The following MMP1 variants were observed in gnomAD, a reference collection of about 807,000 sequenced individuals.
MMP1 encodes interstitial collagenase.
Under a neutral mutation model 49.6 loss-of-function variants are expected in MMP1, and 51 were observed. That is an observed-to-expected ratio of 1.03 (90% CI 0.82 to 1.30). The LOEUF is 1.30. Among genes scored for constraint, MMP1 ranks in the 50% most tolerant of loss-of-function variants. The pLI, the probability that MMP1 is intolerant of heterozygous loss-of-function variation, is 0.00. For synonymous variants in MMP1, 230 were observed against 196.8 expected (o/e 1.17, Z -1.41); for missense variants, 623 against 568.7 (o/e 1.10, Z -0.97).
chr11:102,790,487 G>T lies in MMP1; in HGVS notation c.1335C>A (p.Tyr445Ter), dbSNP rs750462848. Reference protein sequence around the residue: ...FFYFFHGTRQYKFDPKTKRIL... With the variant: ...FFYFFHGTRQ Reference sequence around the variant, plus strand: ...TTCTCTTCGTTTTAGGATCAAATTTGTATTGTCTTGTTCCATGAAAGAAAT... The same window carrying T: ...TTCTCTTCGTTTTAGGATCAAATTTTTATTGTCTTGTTCCATGAAAGAAAT... Residue 445 changes from tyrosine to a stop codon, truncating the protein, a stop_gained, in exon 10 of 10, where the codon TAC becomes TAA. Transcript: ENST00000315274. LOFTEE classifies it low-confidence loss of function (END_TRUNC). 1 of 1,608,972 alleles carries T rather than the reference G, an allele frequency of 6.2e-7. No homozygotes were observed. Among genetic ancestry groups the T allele is most frequent in the Non-Finnish European group, 8.5e-7 (1 of 1,176,662 alleles).
At position 102,795,288 on chromosome 11, in the gene MMP1, C is replaced by T. The variant is rs762758502; in HGVS notation, c.785G>A (p.Arg262His). The change falls in exon 6 of 10, where the codon CGT (arginine) becomes CAT (histidine). Residue 262 changes from arginine to histidine, a missense_variant. Arg to His is a conservative substitution (Grantham distance 29). Coordinates refer to ENST00000315274, the MANE Select transcript of MMP1 (RefSeq NM_002421.4). Reference sequence around the variant, plus strand: ...GATGGGCTGGACAGGATTTTGGGAACGTCCTAAGGAAAATAAAATACCTAG... The same window carrying T: ...GATGGGCTGGACAGGATTTTGGGAATGTCCTAAGGAAAATAAAATACCTAG... ...DIDGIQAIYG[R>H]SQNPVQPIGP... is the part of the protein sequence containing the mutation. The T allele has an allele frequency of 1.7e-5, 27 of 1,613,798 alleles. No homozygotes were observed. In the East Asian group the frequency reaches 2.9e-4, roughly 17 times the overall value.
chr11:102,797,462 C>T lies in MMP1; in HGVS notation c.144G>A (p.Gly48=). ...TATTTCTCCGCTTTTCAACTTGCCT[C>T]CCATCATTCTTCAGGTTGTAGTATT... ...LEKYYNLKND[G]RQVEKRRNSG... is the part of the protein sequence containing the mutation. Residue 48 remains glycine (G), a synonymous_variant, in exon 2 of 10, where the codon GGG becomes GGA. Coordinates refer to ENST00000315274, the MANE Select transcript of MMP1 (RefSeq NM_002421.4). The T allele has an allele frequency of 6.2e-7, 1 of 1,614,166 alleles. No individual in the cohort carries two copies. The highest frequency in any genetic ancestry group is 8.5e-7 in the Non-Finnish European group (1 of 1,180,024).
At position 102,796,741 on chromosome 11, in the gene MMP1, T is replaced by C; in HGVS notation, c.548A>G (p.His183Arg). 6.2e-7 allele frequency: 1 copy of C among 1,614,036 alleles called. No individual in the cohort carries two copies. The highest frequency in any genetic ancestry group is 8.5e-7 in the Non-Finnish European group (1 of 1,179,952). The change falls in exon 4 of 10, where the codon CAT (histidine) becomes CGT (arginine). Residue 183 changes from histidine (H) to arginine (R), a missense_variant. His to Arg is a conservative substitution (Grantham distance 29). Coordinates refer to ENST00000315274, the MANE Select transcript of MMP1 (RefSeq NM_002421.4). ...PFDGPGGNLA[H>R]AFQPGPGIGG... is the part of the protein sequence containing the mutation. ...AATACCTGGGCCTGGTTGAAAAGCA[T>C]GAGCAAGATTTCCTCCAGGTCCATC...
intron 4 of MMP1, among the ~76,000 whole-genome samples, chr11:102,796,277 A>T (rs1858188005): frequency 1.3e-5 from 2 of 152,212 alleles, no homozygotes; most frequent in South Asian, 4.1e-4. Context: ...TTATTTACAA[A>T]ACTGATAAAT....
In MMP1 at chr11:102,790,864, A is replaced by G. The variant is rs470747; in HGVS notation, c.1197-58T>C. 311,923 of 917,102 alleles carry G rather than the reference A, an allele frequency of 0.34. 54,731 individuals carry two copies. Among genetic ancestry groups the G allele is most frequent in the Non-Finnish European group, 0.37 (207,069 of 561,928 alleles). 56.8% of individuals were successfully genotyped at this position (917,102 alleles called of 1,614,324 possible). A position where few individuals can be genotyped will look rare whatever the true frequency, so the allele number is the denominator to read the frequency against. On this transcript the variant is annotated intron_variant, in intron 8 of 9. Coordinates refer to ENST00000315274, the MANE Select transcript of MMP1 (RefSeq NM_002421.4). The stretch of plus-strand genomic sequence containing the variant: ...TTTGCTAAACATGTGCACTCTGAAA[A>G]TCATTACAGAAAATACACAATGAGG...
chr11:102,797,115 G>A lies in MMP1; in HGVS notation c.398C>T (p.Ala133Val), dbSNP rs1189547887. The change falls in exon 3 of 10, where the codon GCC becomes GTC. Residue 133 changes from alanine (A) to valine (V), a missense_variant. Coordinates refer to ENST00000315274, the MANE Select transcript of MMP1 (RefSeq NM_002421.4). ...PDLPRADVDHAIEKAFQLWSN... is the reference protein window; with the variant it reads ...PDLPRADVDHVIEKAFQLWSN... ...CCAGAGTTGGAAGGCTTTCTCAATG[G>A]CATGGTCCACATCTGCTCTTGGCAA... 4.3e-6 allele frequency: 7 copies of A among 1,614,158 alleles called. No individual in the cohort carries two copies. The South Asian group carries it at 6.6e-5, about 15-fold the overall frequency.
rs1858123867 is a variant in MMP1 at position 102,794,477 on chromosome 11, C to A, written c.899+697G>T. ...CTCCTTGCATGTGAGATGACCCCAA[C>A]TTTTTGAGTCCACATGCTGCAGAGG... On this transcript the variant is annotated intron_variant, in intron 6 of 9. Transcript: ENST00000315274. The surrounding 1 kb of genome is among the most constrained non-coding windows in gnomAD (Gnocchi z 4.3). Among the ~76,000 whole-genome samples the A allele has an allele frequency of 6.6e-6, 1 of 152,210 alleles. No individual in the cohort carries two copies. Among genetic ancestry groups the A allele is most frequent in the Non-Finnish European group, 1.5e-5 (1 of 68,028 alleles).
In MMP1 at chr11:102,795,317, T is replaced by A; in HGVS notation, c.782-26A>T. 4 of 1,609,910 alleles carry A rather than the reference T, an allele frequency of 2.5e-6. 1 individual carries two copies. The South Asian group carries it at 4.4e-5, about 18-fold the overall frequency. On this transcript the variant is annotated intron_variant, in intron 5 of 9. Coordinates refer to ENST00000315274, the MANE Select transcript of MMP1 (RefSeq NM_002421.4). ...CTAAGGAAAATAAAATACCTAGAGT[T>A]AGTTTTGCCTAGTATTAGAAAACTA...
Position 102,794,075 on chromosome 11 carries a change from A to G in MMP1, c.899+1099T>C, listed in dbSNP as rs150261762. ...GTTCCATCTAGTAATATTTGGTTTG[A>G]TAGGTGTGTCCTGTTGTACTGAGAG... On this transcript the variant is annotated intron_variant, in intron 6 of 9. Transcript: ENST00000315274. This position sits in a 1 kb window ranked among gnomAD's most constrained non-coding sequence, Gnocchi z 4.3. Among the ~76,000 whole-genome samples the G allele has an allele frequency of 4.4e-3, 676 of 152,286 alleles. 3 individuals carry two copies. Among genetic ancestry groups the G allele is most frequent in the African/African-American group, 0.015 (611 of 41,550 alleles).
Position 102,798,078 on chromosome 11 carries a change from A to T in MMP1, c.15T>A (p.Pro5=). 2 of 1,611,142 alleles carry T rather than the reference A, an allele frequency of 1.2e-6. No homozygotes were observed. Among genetic ancestry groups the T allele is most frequent in the Non-Finnish European group, 8.5e-7 (1 of 1,179,838 alleles). ...CCCAGAACAGCAGCAGCAGCAGTGG[A>T]GGAAAGCTGTGCATACTGGCCTTTG... The part of the protein sequence containing the change: MHSF[P]PLLLLLFWGV... The change falls in exon 1 of 10, where the codon CCT becomes CCA. Residue 5 remains proline (P), a synonymous_variant. Transcript: ENST00000315274.
chr11:102,791,393 G>A lies in MMP1; in HGVS notation c.1136C>T (p.Ala379Val). The change falls in exon 8 of 10, where the codon GCT (alanine) becomes GTT (valine). Residue 379 changes from alanine (A) to valine (V), a missense_variant. Coordinates refer to ENST00000315274, the MANE Select transcript of MMP1 (RefSeq NM_002421.4). ...GFPRTVKHID[A>V]ALSEENTGKT... is the part of the protein sequence containing the mutation. ...TCCAGTGTTTTCCTCAGAAAGAGCA[G>A]CATCGATATGCTTCACAGTTCTAGG... 1 of 1,614,080 alleles carries A rather than the reference G, an allele frequency of 6.2e-7. No homozygotes were observed. The highest frequency in any genetic ancestry group is 8.5e-7 in the Non-Finnish European group (1 of 1,179,920).
intron 4 of MMP1, among the ~76,000 whole-genome samples, chr11:102,796,183 T>C (rs899414641): frequency 3.3e-5 from 5 of 152,204 alleles, no homozygotes; most frequent in Admixed American, 6.5e-5. Flanking sequence ...ACTCCTGACG[T>C]TGTGATCTGC....
intron 4 of MMP1, among the ~76,000 whole-genome samples, chr11:102,795,857 C>T (rs1035126928): frequency 3.4e-4 from 51 of 152,168 alleles, no homozygotes; most frequent in African/African-American, 1.0e-3. Context: ...TGACTGAAAG[C>T]GCACCACAGA....
chr11:102,792,745 A>AG lies in MMP1; in HGVS notation c.900-8dup, dbSNP rs17884110. ...ATTTGTGCGCATGTAGAATCTGATT[A>AG]GAAAAAAAGCAAGAAAAGTTTCCAT... On this transcript the variant is annotated splice_polypyrimidine_tract_variant and splice_region_variant and intron_variant, in intron 6 of 9. Transcript: ENST00000315274. 543,036 of 1,605,804 alleles carry AG rather than the reference A, an allele frequency of 0.34. 94,809 individuals carry two copies. The highest frequency in any genetic ancestry group is 0.36 in the Non-Finnish European group (425,235 of 1,174,762).
rs751705834 is a variant in MMP1 at position 102,791,424 on chromosome 11, C to A, written c.1105G>T (p.Gly369Cys). ...GYPKDIYSSF[G>C]FPRTVKHIDA... ...ATATGCTTCACAGTTCTAGGGAAGCCAAAGGAGCTGTAGATGTCCTTGGGG... is the reference window on the plus strand; with the variant it reads ...ATATGCTTCACAGTTCTAGGGAAGCAAAAGGAGCTGTAGATGTCCTTGGGG... The change falls in exon 8 of 10, where the codon GGC (glycine) becomes TGC (cysteine). Residue 369 changes from glycine to cysteine, a missense_variant. By Grantham distance (159) the Gly-to-Cys change is radical (BLOSUM62 -3). Coordinates refer to ENST00000315274, the MANE Select transcript of MMP1 (RefSeq NM_002421.4). 2.5e-6 allele frequency: 4 copies of A among 1,614,010 alleles called. No individual in the cohort carries two copies. The highest frequency in any genetic ancestry group is 3.4e-6 in the Non-Finnish European group (4 of 1,179,886).
rs766420572 is a variant in MMP1 at position 102,797,207 on chromosome 11, C to A, written c.351-45G>T. 9.9e-6 allele frequency: 16 copies of A among 1,613,350 alleles called. No individual in the cohort carries two copies. In the South Asian group the frequency reaches 1.6e-4, roughly 17 times the overall value. On this transcript the variant is annotated intron_variant, in intron 2 of 9. Coordinates refer to ENST00000315274, the MANE Select transcript of MMP1 (RefSeq NM_002421.4). ...GAGACACATTGGACATGACTTCTTACCACTGTCATGGGAAATAGCTCTCTC... is the reference window on the plus strand; with the variant it reads ...GAGACACATTGGACATGACTTCTTAACACTGTCATGGGAAATAGCTCTCTC...
In MMP1 at chr11:102,797,138, C is replaced by T; in HGVS notation, c.375G>A (p.Leu125=). 6.2e-7 allele frequency: 1 copy of T among 1,614,154 alleles called. No individual in the cohort carries two copies. The highest frequency in any genetic ancestry group is 8.5e-7 in the Non-Finnish European group (1 of 1,180,020). ...TGGCATGGTCCACATCTGCTCTTGG[C>T]AAATCTGGCGTGTAATTTTCAATCC... ...TYRIENYTPD[L]PRADVDHAIE... The change falls in exon 3 of 10, where the codon TTG becomes TTA. Residue 125 remains leucine, a synonymous_variant. Coordinates refer to ENST00000315274, the MANE Select transcript of MMP1 (RefSeq NM_002421.4).
At position 102,790,237 on chromosome 11, in the gene MMP1, C is replaced by G. The variant is rs904759144; in HGVS notation, c.*175G>C. The G allele has an allele frequency of 4.1e-5, 19 of 461,792 alleles. No individual in the cohort carries two copies. The highest frequency in any genetic ancestry group is 3.6e-4 in the African/African-American group (18 of 49,640). 28.6% of individuals were successfully genotyped at this position (461,792 alleles called of 1,614,324 possible). On this transcript the variant is annotated 3_prime_UTR_variant, in exon 10 of 10. Transcript: ENST00000315274. ...TTTGTGGAACTAAATTATATCAGTACAAAAAGGGCTACATTCTAAATAGTA... is the reference window on the plus strand; with the variant it reads ...TTTGTGGAACTAAATTATATCAGTAGAAAAAGGGCTACATTCTAAATAGTA...
chr11:102,795,306 AT>A lies in MMP1; in HGVS notation c.782-16del. On this transcript the variant is annotated splice_polypyrimidine_tract_variant and intron_variant, in intron 5 of 9. Coordinates refer to ENST00000315274, the MANE Select transcript of MMP1 (RefSeq NM_002421.4). ...TTGGGAACGTCCTAAGGAAAATAAA[AT>A]ACCTAGAGTTAGTTTTGCCTAGTAT... 2 of 1,612,746 alleles carry A rather than the reference AT, an allele frequency of 1.2e-6. No individual in the cohort carries two copies.
Sources: gnomAD v4.1 joint callset for allele counts (sites outside exome capture counted in the v4.1 genomes callset) on GRCh38, gnomAD v4.1.1 for gene constraint, Gnocchi (gnomAD v3.1) non-coding constraint, MANE v1.5 for transcripts, NCBI Gene and HGNC (gene_info 2026-07-23, HGNC 2026-07-21) for gene names.